DACH1: variants seen among roughly 807,000 people sequenced by gnomAD.
DACH1 encodes the protein dachshund homolog 1.
Under a neutral mutation model 54.2 loss-of-function variants are expected in DACH1, and 12 were observed. That is an observed-to-expected ratio of 0.22 (90% CI 0.14 to 0.36). DACH1 has a LOEUF of 0.36. DACH1 is among the 10% of genes least tolerant of loss of function. The probability of loss-of-function intolerance (pLI) is 1.00; values close to 1 mark genes in which losing one functional copy is unlikely to be tolerated. For missense variants in DACH1, 805 were observed against 929.8 expected, an observed-to-expected ratio of 0.87 and a Z score of 1.75; for synonymous variants, 386 against 366.2, an observed-to-expected ratio of 1.05 and a Z score of -0.62.
At chr13:71,586,827 T>C (rs577818430) in intron 3 of DACH1, among the ~76,000 whole-genome samples, 1 of 152,242 alleles carries the variant, frequency 6.6e-6, no homozygotes, top group South Asian at 2.1e-4. Flanking sequence ...CATATTATTA[T>C]AGGTTTCTCA....
chr13:71,449,086 T>G (rs1273817577), intron 10 of DACH1, among the ~76,000 whole-genome samples: 6 of 152,116 alleles, frequency 3.9e-5, no homozygotes, highest in Non-Finnish European at 8.8e-5. Context: ...ATGCCTGTAA[T>G]CCCAGCACTT....
chr13:71,649,263 C>T lies in DACH1; in HGVS notation c.965-18546G>A, dbSNP rs76724483. On this transcript the variant is annotated intron_variant, in intron 2 of 10. Coordinates refer to ENST00000613252, the MANE Select transcript of DACH1 (RefSeq NM_080759.6). ...TATACCACCTAGGTTTGTGTAAGTA[C>T]GCTCAACGATGCACACACAAGATGA... Among the ~76,000 whole-genome samples, 312 of 152,176 alleles carry T rather than the reference C, an allele frequency of 2.1e-3. 1 individual carries two copies. Among genetic ancestry groups the T allele is most frequent in the African/African-American group, 3.2e-3 (133 of 41,522 alleles).
chr13:71,479,411 TC>T, intron 7 of DACH1, 95 bp from the exon 8 acceptor site: 1 of 1,225,364 alleles, frequency 8.2e-7, no homozygotes, highest in Non-Finnish European at 1.1e-6. Flanking sequence ...AACCCAGTGA[TC>T]AAATGACCTA....
At chr13:71,704,479 G>A in intron 1 of DACH1, 4 of 345,152 alleles carry the variant, frequency 1.2e-5, no homozygotes, top group South Asian at 8.5e-5. Context: ...TAAGAGCTGA[G>A]ATAGCTTCCT....
At position 71,734,955 on chromosome 13, in the gene DACH1, G is replaced by GAT. The variant is rs140707445; in HGVS notation, c.849-53047_849-53046dup. On this transcript the variant is annotated intron_variant, in intron 1 of 10. Transcript: ENST00000613252. The stretch of plus-strand genomic sequence containing the variant: ...CATATATATAAACACACACACACAG[G>GAT]ATATATATATATATACACACACAGG... Among the ~76,000 whole-genome samples the GAT allele has an allele frequency of 7.7e-3, 1,112 of 143,832 alleles. 19 individuals are homozygous for GAT. The highest frequency in any genetic ancestry group is 0.027 in the African/African-American group (1,044 of 38,212). The allele number at this position is 143,832 out of a possible 152,430, so 94.4% of individuals were successfully genotyped here.
intron 1 of DACH1, among the ~76,000 whole-genome samples, chr13:71,753,668 C>T (rs1001624061): frequency 1.3e-5 from 2 of 152,134 alleles, no homozygotes; most frequent in Non-Finnish European, 2.9e-5. Context: ...TAACTTGCTT[C>T]GCAAGTGGAA....
At chr13:71,796,145 G>A (rs1887039446) in intron 1 of DACH1, among the ~76,000 whole-genome samples, 1 of 152,090 alleles carries the variant, frequency 6.6e-6, no homozygotes, top group Non-Finnish European at 1.5e-5. Flanking sequence ...AATTCTGCAA[G>A]TGACTTCACA....
rs1351390747 is a variant in DACH1 at position 71,475,729 on chromosome 13, G to A, written c.1991C>T (p.Thr664Ile). The change falls in exon 9 of 11, where the codon ACA becomes ATA. Residue 664 changes from threonine (T) to isoleucine (I), a missense_variant. Physicochemically the swap from Thr to Ile is moderately conservative, Grantham distance 89. Transcript: ENST00000613252. ...ACCATTTAAGACCCTGAGACTATCT[G>A]TTGAAGCTGCCTGTTTTAGCGTCTG... ...AEQTLKQAAS[T>I]DSLRVLNDSL... The A allele has an allele frequency of 2.2e-5, 36 of 1,613,098 alleles. No homozygotes were observed. In the Admixed American group the frequency reaches 6.0e-4, roughly 27 times the overall value.
At chr13:71,813,619 CA>C (rs1480164997) in intron 1 of DACH1, among the ~76,000 whole-genome samples, 1 of 152,070 alleles carries the variant, frequency 6.6e-6, no homozygotes, top group Non-Finnish European at 1.5e-5. Flanking sequence ...GGTTTAAGAA[CA>C]AACCTATAAT....
intron 7 of DACH1, among the ~76,000 whole-genome samples, chr13:71,480,896 T>A (rs1372600782): frequency 6.6e-6 from 1 of 152,134 alleles, no homozygotes; most frequent in East Asian, 1.9e-4. Context: ...CTGGTATAAT[T>A]CTTGTGATAT....
At position 71,538,106 on chromosome 13, in the gene DACH1, T is replaced by G. The variant is rs112460148; in HGVS notation, c.1570+18918A>C. Reference sequence around the variant, plus strand: ...TCACATTACACTATTGTTTTTGACCTTTAAAACTCAATGCCCCACACTAGG... The same window carrying G: ...TCACATTACACTATTGTTTTTGACCGTTAAAACTCAATGCCCCACACTAGG... On this transcript the variant is annotated intron_variant, in intron 6 of 10. Coordinates refer to ENST00000613252, the MANE Select transcript of DACH1 (RefSeq NM_080759.6). Among the ~76,000 whole-genome samples, 1,388 of 152,182 alleles carry G rather than the reference T, an allele frequency of 9.1e-3. 26 individuals are homozygous for G. The highest frequency in any genetic ancestry group is 0.031 in the African/African-American group (1,278 of 41,564).
intron 2 of DACH1, among the ~76,000 whole-genome samples, chr13:71,635,518 A>G (rs1234310078): frequency 6.6e-6 from 1 of 152,232 alleles, no homozygotes; most frequent in Non-Finnish European, 1.5e-5. Context: ...TTCATGTAAT[A>G]AATTCACAAA....
At chr13:71,729,820 A>G (rs1269351119) in intron 1 of DACH1, among the ~76,000 whole-genome samples, 1 of 152,124 alleles carries the variant, frequency 6.6e-6, no homozygotes, top group Admixed American at 6.5e-5. Flanking sequence ...ACAAGGCCAT[A>G]AAGCAGAATA....
chr13:71,565,514 G>A (rs1027176224), intron 4 of DACH1, among the ~76,000 whole-genome samples: 1 of 152,070 alleles, frequency 6.6e-6, no homozygotes, highest in Non-Finnish European at 1.5e-5. Context: ...AATGTGCAAA[G>A]AAGACAAATA....
intron 6 of DACH1, among the ~76,000 whole-genome samples, chr13:71,534,901 A>G (rs1178195988): frequency 6.6e-6 from 1 of 151,786 alleles, no homozygotes; most frequent in Non-Finnish European, 1.5e-5. Context: ...TAAGAGCTAA[A>G]TGAGTGTTCT....
intron 10 of DACH1, among the ~76,000 whole-genome samples, chr13:71,441,832 T>G (rs571512850): frequency 5.3e-5 from 8 of 152,220 alleles, no homozygotes; most frequent in Admixed American, 2.0e-4. Context: ...GAAATATTGG[T>G]AAGCCCAAAT....
At chr13:71,791,052 C>G (rs988748800) in intron 1 of DACH1, among the ~76,000 whole-genome samples, 36 of 152,184 alleles carry the variant, frequency 2.4e-4, no homozygotes, top group Non-Finnish European at 5.1e-4. Context: ...GACTGAAACC[C>G]TGACATGACA....
intron 7 of DACH1, among the ~76,000 whole-genome samples, chr13:71,480,797 A>G (rs1408959579): frequency 6.6e-6 from 1 of 152,154 alleles, no homozygotes; most frequent in Non-Finnish European, 1.5e-5. Flanking sequence ...GTCTACCAAT[A>G]TAGTTTATAG....
intron 3 of DACH1, among the ~76,000 whole-genome samples, chr13:71,621,749 C>T (rs1023103293): frequency 9.9e-5 from 15 of 152,002 alleles, no homozygotes; most frequent in African/African-American, 3.4e-4. Context: ...GCATGGTCTG[C>T]GAGGCACTGC....
Sources: gnomAD v4.1 joint callset for allele counts (sites outside exome capture counted in the v4.1 genomes callset) on GRCh38, gnomAD v4.1.1 for gene constraint, MANE v1.5 for transcripts, NCBI Gene and HGNC (gene_info 2026-07-23, HGNC 2026-07-21) for gene names.